The following ZDHHC24 variants were observed in gnomAD, a reference collection of about 807,000 sequenced individuals.
The protein encoded by ZDHHC24 is zDHHC palmitoyltransferase 24.
Under a neutral mutation model 23.2 loss-of-function variants are expected in ZDHHC24, and 17 were observed. The ratio of observed to expected loss-of-function variants is 0.73; its 90% confidence interval spans 0.50 to 1.10. ZDHHC24 has a LOEUF of 1.10. Ranked by LOEUF, ZDHHC24 falls within the 50% of genes least tolerant of loss-of-function variation. The probability of loss-of-function intolerance (pLI) is 0.00; values close to 1 mark genes in which losing one functional copy is unlikely to be tolerated. For missense variants in ZDHHC24, 366 were observed against 393.0 expected (o/e 0.93, Z 0.58); for synonymous variants, 186 against 194.5 (o/e 0.96, Z 0.36).
intron 3 of ZDHHC24, chr11:66,529,300 C>T (rs1025186537): frequency 1.2e-5 from 18 of 1,535,544 alleles, no homozygotes; most frequent in Non-Finnish European, 1.4e-5. Context: ...GAGGCAGTGA[C>T]GGAGGCAGGA....
chr11:66,521,281 C>T (rs771172830), exon 5 of ZDHHC24: 1 of 1,614,086 alleles, frequency 6.2e-7, no homozygotes, highest in Non-Finnish European at 8.5e-7. Flanking sequence ...TGAGCCTTCC[C>T]AGCGTCCCCG....
downstream of ZDHHC24, chr11:66,531,164 A>C: frequency 8.0e-7 from 1 of 1,250,224 alleles, no homozygotes; most frequent in Non-Finnish European, 1.1e-6. Flanking sequence ...CTACTCTCCC[A>C]CCACAGACCA....
In ZDHHC24 at chr11:66,539,469, T is replaced by C. The variant is rs1455548310; in HGVS notation, c.*60A>G. Reference sequence around the variant, plus strand: ...TCCAACCCGACTTCCTTACTGAGTCTAGGTGTGGGGGCCCCCCTCTCACCC... The same window carrying C: ...TCCAACCCGACTTCCTTACTGAGTCCAGGTGTGGGGGCCCCCCTCTCACCC... On this transcript the variant is annotated 3_prime_UTR_variant, in exon 3 of 3. Transcript: ENST00000310442. The C allele has an allele frequency of 5.4e-6, 8 of 1,474,888 alleles. No individual in the cohort carries two copies. In the African/African-American group the frequency reaches 9.9e-5, roughly 18 times the overall value. The allele number at this position is 1,474,888 out of a possible 1,614,324, so 91.4% of individuals were successfully genotyped here.
chr11:66,539,125 C>T lies in ZDHHC24; in HGVS notation c.*404G>A. On this transcript the variant is annotated 3_prime_UTR_variant, in exon 3 of 3. Coordinates refer to ENST00000310442, the MANE Select transcript of ZDHHC24 (RefSeq NM_207340.3). ...GCTGGTGCCCCACCCCCAACTCACC[C>T]AGGCCAGGGGAGGTAGAGCCCCAGC... The T allele has an allele frequency of 1.6e-6, 1 of 618,548 alleles. No homozygotes were observed. Among genetic ancestry groups the T allele is most frequent in the Non-Finnish European group, 2.0e-6 (1 of 491,088 alleles). 38.3% of individuals were successfully genotyped at this position (618,548 alleles called of 1,614,324 possible).
chr11:66,539,631 G>A lies in ZDHHC24; in HGVS notation c.753C>T (p.Pro251=), dbSNP rs1330905794. 1.5e-5 allele frequency: 24 copies of A among 1,612,598 alleles called. No homozygotes were observed. The highest frequency in any genetic ancestry group is 1.9e-5 in the Non-Finnish European group (22 of 1,179,626). The stretch of plus-strand genomic sequence containing the variant: ...GCCAGAGCCAGACGAGGGCCCAGCG[G>A]GGCCCCAGGGCTGCCTGCAGGTTGT... The part of the protein sequence containing the change: ...PCHNLQAALG[P]RWALVWLWPF... The change falls in exon 3 of 3, where the codon CCC becomes CCT. Residue 251 remains proline (P), a synonymous_variant. Transcript: ENST00000310442.
intron 4 of ZDHHC24, chr11:66,526,900 GGGA>G (rs1856534840): frequency 1.2e-6 from 2 of 1,611,288 alleles, no homozygotes; most frequent in Admixed American, 1.7e-5. Context: ...CCTGTGCACT[GGGA>G]GGAGATCTCG....
intron 3 of ZDHHC24, chr11:66,529,192 G>C (rs1404648065): frequency 3.4e-6 from 5 of 1,463,182 alleles, no homozygotes; most frequent in Non-Finnish European, 4.5e-6. Context: ...ACAGTGGGGT[G>C]GGGGCGGGGT....
chr11:66,542,997 G>A (rs535597794), intron 2 of ZDHHC24, among the ~76,000 whole-genome samples: 20 of 152,206 alleles, frequency 1.3e-4, no homozygotes, highest in African/African-American at 3.9e-4. Context: ...CGGAGTAGCC[G>A]GGGAGGTTCC....
chr11:66,527,284 G>C (rs1287306469), intron 3 of ZDHHC24, among the ~76,000 whole-genome samples: 4 of 150,774 alleles, frequency 2.7e-5, no homozygotes, highest in African/African-American at 9.7e-5. Context: ...TTTCCTGCCC[G>C]TTTATTTGTT....
Position 66,539,830 on chromosome 11 carries a change from A to G in ZDHHC24, c.560-6T>C, listed in dbSNP as rs377152078. On this transcript the variant is annotated splice_region_variant and splice_polypyrimidine_tract_variant and intron_variant, in intron 2 of 2. Transcript: ENST00000310442. ...CTGTGCCAGAGACACTCTGCCTGCA[A>G]TAAAAGAGCAGAGAGGGTCAGGGAG... The G allele has an allele frequency of 1.9e-4, 295 of 1,589,206 alleles. No individual in the cohort carries two copies. Among genetic ancestry groups the G allele is most frequent in the Non-Finnish European group, 2.4e-4 (276 of 1,166,316 alleles).
intron 2 of ZDHHC24, among the ~76,000 whole-genome samples, chr11:66,541,066 C>T (rs1857137630): frequency 6.6e-6 from 1 of 152,056 alleles, no homozygotes; most frequent in African/African-American, 2.4e-5. Flanking sequence ...GGTTGCACTA[C>T]ATCATGAATG....
chr11:66,527,668 C>CAAAAAAAAA (rs58165767), intron 3 of ZDHHC24: 1 of 57,968 alleles, frequency 1.7e-5, no homozygotes, highest in Non-Finnish European at 3.2e-5. Flanking sequence ...GACTCCGTCT[C>CAAAAAAAAA]AAAAAAAAAA....
At chr11:66,531,835 G>A, downstream of ZDHHC24, 1 of 1,607,358 alleles carries the variant, frequency 6.2e-7, no homozygotes, top group Non-Finnish European at 8.5e-7. Context: ...GGGGCTCCTG[G>A]GTGGGGGTGG....
exon 5 of ZDHHC24, chr11:66,521,082 C>A: frequency 1.6e-6 from 1 of 642,478 alleles, no homozygotes. Context: ...AGTCAAAAGG[C>A]ACAGACTAAA....
At chr11:66,529,234 G>A (rs1270362178) in intron 3 of ZDHHC24, 1 of 1,502,408 alleles carries the variant, frequency 6.7e-7, no homozygotes, top group East Asian at 2.5e-5. Flanking sequence ...GAAGAGTCAT[G>A]TGATCCTGCA....
chr11:66,543,587 T>C, intron 2 of ZDHHC24, 117 bp downstream of exon 2: 1 of 1,345,632 alleles, frequency 7.4e-7, no homozygotes, highest in Non-Finnish European at 9.9e-7. Context: ...TGGCCATCAC[T>C]GACACTGGGG....
In ZDHHC24 at chr11:66,536,982, C is replaced by T. The variant is rs2134865047; in HGVS notation, c.*2547G>A. ...TCTGTGCAGCCCAAAGTGCCAGGTA[C>T]ACCAAGTTCCTCCTGTCATTAAAAA... On this transcript the variant is annotated 3_prime_UTR_variant, in exon 3 of 3. Transcript: ENST00000310442. 1 of 152,062 alleles carries T rather than the reference C, an allele frequency of 6.6e-6. No homozygotes were observed. The highest frequency in any genetic ancestry group is 2.1e-4 in the South Asian group (1 of 4,810). 9.4% of individuals were successfully genotyped at this position (152,062 alleles called of 1,614,324 possible).
intron 4 of ZDHHC24, among the ~76,000 whole-genome samples, chr11:66,522,420 T>A (rs1856284040): frequency 1.3e-5 from 2 of 151,620 alleles, no homozygotes. Flanking sequence ...CGATCTCGGC[T>A]TACTGCAACC....
chr11:66,532,585 C>G (rs1040021645), downstream of ZDHHC24: 1 of 156,766 alleles, frequency 6.4e-6, no homozygotes, highest in African/African-American at 2.4e-5. Flanking sequence ...CTGAGCAAAC[C>G]CAGGGAATAG....
Sources: gnomAD v4.1 joint callset for allele counts (sites outside exome capture counted in the v4.1 genomes callset) on GRCh38, gnomAD v4.1.1 for gene constraint, MANE v1.5 for transcripts, NCBI Gene and HGNC (gene_info 2026-07-23, HGNC 2026-07-21) for gene names.